DLGAP2: variants seen among roughly 807,000 people sequenced by gnomAD.
DLGAP2 encodes the protein DLG associated protein 2.
Under a neutral mutation model 100.3 loss-of-function variants are expected in DLGAP2, and 26 were observed. The observed-to-expected ratio is 0.26, with a 90% confidence interval of 0.19 to 0.36. The LOEUF (loss-of-function observed/expected upper bound fraction) is 0.36. DLGAP2 is among the 10% of genes least tolerant of loss of function. The probability of loss-of-function intolerance (pLI) is 1.00; values close to 1 mark genes in which losing one functional copy is unlikely to be tolerated. For synonymous variants in DLGAP2, 886 were observed against 630.1 expected (o/e 1.41, Z -6.08); for missense variants, 1,858 against 1,453.2 (o/e 1.28, Z -4.53).
chr8:1,545,720 C>A (rs997000100), intron 4 of DLGAP2, among the ~76,000 whole-genome samples: 1 of 152,188 alleles, frequency 6.6e-6, no homozygotes, highest in Non-Finnish European at 1.5e-5. Context: ...TTCCATGCAT[C>A]CATCAGGAAA....
chr8:1,365,764 G>C (rs1221090178), intron 3 of DLGAP2, among the ~76,000 whole-genome samples: 4 of 152,216 alleles, frequency 2.6e-5, no homozygotes, highest in African/African-American at 9.6e-5. Flanking sequence ...CCACGCGGAG[G>C]GCGAGCCTGT....
intron 2 of DLGAP2, among the ~76,000 whole-genome samples, chr8:1,175,553 C>T (rs948945762): frequency 1.3e-5 from 2 of 152,192 alleles, no homozygotes; most frequent in African/African-American, 4.8e-5. Flanking sequence ...ACATTGTGTT[C>T]TAGCTCTATA....
chr8:1,657,612 A>G (rs1051438779), intron 8 of DLGAP2, among the ~76,000 whole-genome samples: 1 of 152,250 alleles, frequency 6.6e-6, no homozygotes, highest in Non-Finnish European at 1.5e-5. Flanking sequence ...TTACAATTCT[A>G]TCACACAGGG....
chr8:1,486,990 C>T lies in DLGAP2; in HGVS notation c.107-14376C>T, dbSNP rs541762877. ...TTGGGGCCCGCCAAGCTGCCACAGC[C>T]TGGCACAGTCATTTCTTGGTGAAGT... On this transcript the variant is annotated intron_variant, in intron 3 of 14. Coordinates refer to ENST00000637795, the MANE Select transcript of DLGAP2 (RefSeq NM_001346810.2). Among the ~76,000 whole-genome samples the T allele has an allele frequency of 4.6e-5, 7 of 152,314 alleles. No homozygotes were observed. In the South Asian group the frequency reaches 1.5e-3, roughly 32 times the overall value.
At chr8:1,082,092 A>G (rs1384385326) in intron 2 of DLGAP2, among the ~76,000 whole-genome samples, 1 of 152,174 alleles carries the variant, frequency 6.6e-6, no homozygotes, top group Non-Finnish European at 1.5e-5. Flanking sequence ...TGTCTGCCCT[A>G]CATGTAATAT....
At chr8:1,157,886 G>A (rs918486943) in intron 2 of DLGAP2, among the ~76,000 whole-genome samples, 25 of 152,162 alleles carry the variant, frequency 1.6e-4, no homozygotes, top group Admixed American at 1.5e-3. Flanking sequence ...CCGGTGTTCC[G>A]TCTTGTTTAG....
intron 2 of DLGAP2, among the ~76,000 whole-genome samples, chr8:1,060,448 C>G (rs1803045488): frequency 6.8e-6 from 1 of 147,644 alleles, no homozygotes; most frequent in African/African-American, 2.7e-5. Context: ...TGATCCAGGC[C>G]CATGGAAGCG....
At chr8:1,573,012 A>G (rs1584942963) in intron 6 of DLGAP2, among the ~76,000 whole-genome samples, 1 of 65,054 alleles carries the variant, frequency 1.5e-5, no homozygotes, top group Non-Finnish European at 2.9e-5. Flanking sequence ...TGGGATGGAG[A>G]GGAGAGAGGG....
intron 3 of DLGAP2, among the ~76,000 whole-genome samples, chr8:1,352,409 G>T (rs371569673): frequency 6.6e-6 from 1 of 152,042 alleles, no homozygotes; most frequent in African/African-American, 2.4e-5. Flanking sequence ...TCTCCCCAGC[G>T]ACTCTCCCTG....
intron 6 of DLGAP2, among the ~76,000 whole-genome samples, chr8:1,616,539 G>A (rs570880257): frequency 5.9e-5 from 9 of 152,302 alleles, no homozygotes; most frequent in Admixed American, 2.6e-4. Flanking sequence ...AGAAAATTAT[G>A]ACTGCCTTAT....
chr8:1,187,332 C>T (rs1307873340), intron 2 of DLGAP2, among the ~76,000 whole-genome samples: 1 of 141,980 alleles, frequency 7.0e-6, no homozygotes. Context: ...CCTCACACGC[C>T]CAGGACCTCT....
chr8:1,455,792 C>T lies in DLGAP2; in HGVS notation c.107-45574C>T, dbSNP rs189238839. On this transcript the variant is annotated intron_variant, in intron 3 of 14. Transcript: ENST00000637795. ...TGCATCATGCCACTGAGTGAGTGTGCGGAAGGCACCACCTCCTCCCATCAG... is the reference window on the plus strand; with the variant it reads ...TGCATCATGCCACTGAGTGAGTGTGTGGAAGGCACCACCTCCTCCCATCAG... Among the ~76,000 whole-genome samples, 17 of 152,326 alleles carry T rather than the reference C, an allele frequency of 1.1e-4. No homozygotes were observed. The East Asian group carries it at 1.5e-3, about 14-fold the overall frequency.
At chr8:1,423,114 T>G (rs1797144577) in intron 3 of DLGAP2, among the ~76,000 whole-genome samples, 1 of 152,152 alleles carries the variant, frequency 6.6e-6, no homozygotes, top group African/African-American at 2.4e-5. Context: ...TTAGGGGAAA[T>G]AATATGTTTT....
At chr8:1,420,017 G>C (rs192023116) in intron 3 of DLGAP2, among the ~76,000 whole-genome samples, 71 of 152,294 alleles carry the variant, frequency 4.7e-4, no homozygotes, top group African/African-American at 1.4e-3. Flanking sequence ...AATCCTTAGG[G>C]TTTTTTATGT....
intron 2 of DLGAP2, among the ~76,000 whole-genome samples, chr8:950,895 A>G (rs1799463439): frequency 1.3e-5 from 2 of 152,142 alleles, no homozygotes; most frequent in Non-Finnish European, 2.9e-5. Context: ...AAGCGCTGGG[A>G]TTACAGACGT....
intron 3 of DLGAP2, among the ~76,000 whole-genome samples, chr8:1,496,026 G>C (rs1799536194): frequency 6.6e-6 from 1 of 152,094 alleles, no homozygotes; most frequent in Non-Finnish European, 1.5e-5. Flanking sequence ...GTTCTCCTTC[G>C]AGTGCCCAGA....
chr8:954,956 C>T (rs1799563045), intron 2 of DLGAP2, among the ~76,000 whole-genome samples: 1 of 152,102 alleles, frequency 6.6e-6, no homozygotes, highest in African/African-American at 2.4e-5. Context: ...CAGTTGTTCC[C>T]TAACTGCCTA....
intron 2 of DLGAP2, among the ~76,000 whole-genome samples, chr8:944,393 G>A (rs930329579): frequency 3.9e-5 from 6 of 152,130 alleles, no homozygotes; most frequent in Admixed American, 3.9e-4. Context: ...CAATCCCTGT[G>A]GGTGATCCAG....
intron 2 of DLGAP2, among the ~76,000 whole-genome samples, chr8:1,041,935 G>T (rs1010249524): frequency 2.6e-5 from 4 of 152,216 alleles, no homozygotes; most frequent in African/African-American, 7.2e-5. Context: ...CTTGGAGTGA[G>T]CTCTCTCTTT....
Sources: gnomAD v4.1 joint callset for allele counts (sites outside exome capture counted in the v4.1 genomes callset) on GRCh38, gnomAD v4.1.1 for gene constraint, MANE v1.5 for transcripts, NCBI Gene and HGNC (gene_info 2026-07-23, HGNC 2026-07-21) for gene names.